Variants in CXADR observed in about 807,000 individuals in gnomAD.
The protein encoded by CXADR is CXADR cell adhesion molecule.
Under a neutral mutation model 40.3 loss-of-function variants are expected in CXADR, and 20 were observed. The ratio of observed to expected loss-of-function variants is 0.50; its 90% CI spans 0.35 to 0.72. CXADR has a LOEUF of 0.72. Among genes scored for constraint, CXADR ranks in the 30% least tolerant of loss-of-function variants. CXADR has a pLI of 0.01. For synonymous variants in CXADR, 150 were observed against 161.3 expected (o/e 0.93, Z 0.53); for missense variants, 332 against 449.1 (o/e 0.74, Z 2.36).
chr21:17,543,231 CAT>C (rs2084146120), intron 1 of CXADR, among the ~76,000 whole-genome samples: 1 of 152,146 alleles, frequency 6.6e-6, no homozygotes, highest in South Asian at 2.1e-4. Context: ...AACAATTTGA[CAT>C]ATATCTTTTC....
intron 1 of CXADR, among the ~76,000 whole-genome samples, chr21:17,526,819 G>T (rs767045804): frequency 3.9e-5 from 6 of 152,014 alleles, no homozygotes; most frequent in Non-Finnish European, 7.3e-5. Flanking sequence ...CTTCATCTGG[G>T]TGGGTTTTGG....
downstream of CXADR, among the ~76,000 whole-genome samples, chr21:17,596,302 T>C (rs1456177022): frequency 1.3e-5 from 2 of 152,056 alleles, no homozygotes; most frequent in Non-Finnish European, 2.9e-5. Context: ...GAAGTCCAGT[T>C]TGTCAATTTT....
At position 17,570,006 on chromosome 21, in the gene CXADR, A is replaced by T; in HGVS notation, c.*4314A>T. The T allele has an allele frequency of 1.0e-6, 1 of 985,386 alleles. No individual in the cohort carries two copies. Among genetic ancestry groups the T allele is most frequent in the Non-Finnish European group, 1.2e-6 (1 of 829,926 alleles). 61.0% of individuals were successfully genotyped at this position (985,386 alleles called of 1,614,324 possible). A position where few individuals can be genotyped will look rare whatever the true frequency, so the allele number is the denominator to read the frequency against. On this transcript the variant is annotated 3_prime_UTR_variant, in exon 7 of 7. Coordinates refer to ENST00000284878, the MANE Select transcript of CXADR (RefSeq NM_001338.5). ...CTGGCTTATATATCCAATGGTGCAG[A>T]TTTTGAAATTTGTAAGAACAAAATT...
downstream of CXADR, chr21:17,598,577 C>T (rs1469291106): frequency 3.2e-6 from 5 of 1,558,466 alleles, 1 homozygote; most frequent in East Asian, 2.2e-5. Context: ...CCTGGCAATC[C>T]CTGCACATCC....
chr21:17,582,115 A>G (rs949711425), intron 7 of CXADR, among the ~76,000 whole-genome samples: 17 of 53,298 alleles, frequency 3.2e-4, no homozygotes, highest in African/African-American at 1.3e-3. Context: ...CTAAGGCCAC[A>G]TAGCTAGGAG....
chr21:17,566,642 T>A lies in CXADR; in HGVS notation c.*950T>A. 1.0e-6 allele frequency: 1 copy of A among 984,870 alleles called. No homozygotes were observed. Among genetic ancestry groups the A allele is most frequent in the Non-Finnish European group, 1.2e-6 (1 of 829,474 alleles). 61.0% of individuals were successfully genotyped at this position (984,870 alleles called of 1,614,324 possible). On this transcript the variant is annotated 3_prime_UTR_variant, in exon 7 of 7. Transcript: ENST00000284878. ...CTAATTTATTCTAAATTTTAAGTGG[T>A]TCTTTGGTTCCAGTGCTTTATGTTG...
chr21:17,528,071 T>TC (rs1404963482), intron 1 of CXADR, among the ~76,000 whole-genome samples: 7 of 98,664 alleles, frequency 7.1e-5, no homozygotes, highest in South Asian at 3.7e-4. Flanking sequence ...GTTCTTTCTT[T>TC]TTTTTTTTTT....
In CXADR at chr21:17,566,330, C is replaced by A. The variant is rs1178636112; in HGVS notation, c.*638C>A. ...ACTTCTTAAATATTTAGTTGATAGA[C>A]TGCTACAGGTAATAGGGACTTAGCA... On this transcript the variant is annotated 3_prime_UTR_variant, in exon 7 of 7. Coordinates refer to ENST00000284878, the MANE Select transcript of CXADR (RefSeq NM_001338.5). 1.0e-6 allele frequency: 1 copy of A among 983,504 alleles called. No individual in the cohort carries two copies. Among genetic ancestry groups the A allele is most frequent in the East Asian group, 1.1e-4 (1 of 8,820 alleles). The allele number at this position is 983,504 out of a possible 1,614,324, so 60.9% of individuals were successfully genotyped here.
chr21:17,593,228 A>C (rs1258008862), exon 8 of CXADR: 1 of 1,380,718 alleles, frequency 7.2e-7, no homozygotes, highest in Non-Finnish European at 9.5e-7. Flanking sequence ...GTATTGTATT[A>C]TTTGACTTTA....
At chr21:17,546,989 T>C (rs550758151) in intron 1 of CXADR, 38 bp from the exon 2 acceptor site, 17 of 1,608,482 alleles carry the variant, frequency 1.1e-5, no homozygotes, top group Admixed American at 1.0e-4. Flanking sequence ...TGTCAGCGTA[T>C]AGCAAATGCT....
At chr21:17,516,162 C>T (rs78991228) in intron 1 of CXADR, among the ~76,000 whole-genome samples, 2 of 152,102 alleles carry the variant, frequency 1.3e-5, no homozygotes, top group Non-Finnish European at 2.9e-5. Flanking sequence ...CCAAGCAACC[C>T]GAGAGGGTAT....
At chr21:17,614,381 A>G in the CXADR span, among the ~76,000 whole-genome samples, 1 of 152,182 alleles carries the variant, frequency 6.6e-6, no homozygotes, top group Non-Finnish European at 1.5e-5. Context: ...CACATTTTCC[A>G]GTCTTAGAGC....
chr21:17,592,078 G>A (rs566172506), intron 7 of CXADR, among the ~76,000 whole-genome samples: 1 of 151,902 alleles, frequency 6.6e-6, no homozygotes, highest in South Asian at 2.1e-4. Flanking sequence ...CAAAACTAGT[G>A]GTTTCCCCAA....
chr21:17,565,279 T>C, intron 6 of CXADR, 149 bp from the exon 7 acceptor site: 1 of 705,416 alleles, frequency 1.4e-6, no homozygotes, highest in South Asian at 2.0e-5. Flanking sequence ...TTTGCTTTTT[T>C]GTGACACACA....
At chr21:17,547,645 G>A (rs2060915355) in intron 2 of CXADR, among the ~76,000 whole-genome samples, 1 of 152,202 alleles carries the variant, frequency 6.6e-6, no homozygotes, top group East Asian at 1.9e-4. Flanking sequence ...GTCAGCAGTA[G>A]AAGTGTCATT....
the CXADR span, among the ~76,000 whole-genome samples, chr21:17,618,227 T>C: frequency 4.6e-5 from 7 of 152,170 alleles, no homozygotes; most frequent in African/African-American, 1.7e-4. Context: ...ATCATTAAAT[T>C]ACAGCAATTC....
At chr21:17,520,265 A>G (rs2060514268) in intron 1 of CXADR, among the ~76,000 whole-genome samples, 1 of 152,224 alleles carries the variant, frequency 6.6e-6, no homozygotes, top group Non-Finnish European at 1.5e-5. Context: ...TTTTCCAGTC[A>G]GATGGTACAG....
At position 17,566,188 on chromosome 21, in the gene CXADR, A is replaced by C. The variant is rs2061206461; in HGVS notation, c.*496A>C. On this transcript the variant is annotated 3_prime_UTR_variant, in exon 7 of 7. Transcript: ENST00000284878. ...CTTACGTATGTTTGTACTTGGTTTT[A>C]CAGCTCCTTTGAAAACTCTGTGTTT... 1 of 983,876 alleles carries C rather than the reference A, an allele frequency of 1.0e-6. No homozygotes were observed. Among genetic ancestry groups the C allele is most frequent in the Non-Finnish European group, 1.2e-6 (1 of 828,588 alleles). 60.9% of individuals were successfully genotyped at this position (983,876 alleles called of 1,614,324 possible). A position where few individuals can be genotyped will look rare whatever the true frequency, so the allele number is the denominator to read the frequency against.
intron 7 of CXADR, among the ~76,000 whole-genome samples, chr21:17,580,490 C>T (rs975200536): frequency 5.3e-5 from 8 of 152,094 alleles, no homozygotes; most frequent in East Asian, 3.9e-4. Context: ...TGGTGGCAGG[C>T]GCCAGATACT....
Sources: allele counts gnomAD v4.1 joint callset (sites outside exome capture counted in the v4.1 genomes callset), GRCh38; gene constraint gnomAD v4.1.1; transcripts MANE v1.5; gene names NCBI Gene and HGNC (gene_info 2026-07-23, HGNC 2026-07-21).